SMIM33: variants seen among roughly 807,000 people sequenced by gnomAD.
SMIM33 encodes small integral membrane protein 33.
chr5:139,472,469 T>G, intron 1 of SMIM33, 63 bp from the exon 2 acceptor site: 1 of 396,560 alleles, frequency 2.5e-6, no homozygotes, highest in Non-Finnish European at 4.5e-6. Context: ...TCTCTTTCTA[T>G]TTTGGTCTTT....
At position 139,472,064 on chromosome 5, in the gene SMIM33, G is replaced by A. The variant is rs374907487; in HGVS notation, c.10-468G>A. Among the ~76,000 whole-genome samples the A allele has an allele frequency of 7.9e-5, 12 of 152,268 alleles. No individual in the cohort carries two copies. In the East Asian group the frequency reaches 2.1e-3, roughly 27 times the overall value. On this transcript the variant is annotated intron_variant, in intron 1 of 1. Coordinates refer to ENST00000637503, the MANE Select transcript of SMIM33 (RefSeq NM_001365197.1). ...GACCCAGGGCACAGGATCTATTTAG[G>A]AATTTTGCTGGAGACCTGGGAAAAG...
At chr5:139,471,511 G>C (rs1200567392) in intron 1 of SMIM33, among the ~76,000 whole-genome samples, 2 of 152,122 alleles carry the variant, frequency 1.3e-5, no homozygotes, top group Admixed American at 1.3e-4. Context: ...GGAAGCTAGG[G>C]AGGCAAAGTT....
At position 139,472,598 on chromosome 5, in the gene SMIM33, C is replaced by G; in HGVS notation, c.76C>G (p.Leu26Val). Residue 26 changes from leucine to valine, a missense_variant, in exon 2 of 2, where the codon CTT becomes GTT. Physicochemically the swap from Leu to Val is conservative, Grantham distance 32 (BLOSUM62 1). Coordinates refer to ENST00000637503, the MANE Select transcript of SMIM33 (RefSeq NM_001365197.1). Reference protein sequence around the residue: ...SSSEQEPQRQLPEVLSGTWEQ... With the variant: ...SSSEQEPQRQVPEVLSGTWEQ... ...ATCAGAGCAGGAGCCCCAGAGGCAG[C>G]TTCCGGAGGTGCTAAGTGGCACCTG... 2 of 400,882 alleles carry G rather than the reference C, an allele frequency of 5.0e-6. No homozygotes were observed. The highest frequency in any genetic ancestry group is 7.1e-5 in the East Asian group (2 of 28,082). 24.8% of individuals were successfully genotyped at this position (400,882 alleles called of 1,614,324 possible). A position where few individuals can be genotyped will look rare whatever the true frequency, so the allele number is the denominator to read the frequency against.
In SMIM33 at chr5:139,471,880, C is replaced by T. The variant is rs147509936; in HGVS notation, c.10-652C>T. 5.9e-4 allele frequency among the ~76,000 whole-genome samples: 90 copies of T among 152,288 alleles called. 1 individual carries two copies. In the East Asian group the frequency reaches 0.014, roughly 24 times the overall value. ...CTACCTCTACCTCTACCTCTCCCGC[C>T]GCCAGGGCACCACCTGTCTGTCTTC... On this transcript the variant is annotated intron_variant, in intron 1 of 1. Coordinates refer to ENST00000637503, the MANE Select transcript of SMIM33 (RefSeq NM_001365197.1).
At chr5:139,472,411 G>A in intron 1 of SMIM33, 121 bp from the exon 2 acceptor site, 1 of 397,818 alleles carries the variant, frequency 2.5e-6, no homozygotes, top group Non-Finnish European at 4.4e-6. Flanking sequence ...CTTTGTCTCT[G>A]GTCCCTCCCG....
At chr5:139,471,641 C>G (rs1054214602) in intron 1 of SMIM33, among the ~76,000 whole-genome samples, 1 of 152,102 alleles carries the variant, frequency 6.6e-6, no homozygotes, top group East Asian at 1.9e-4. Context: ...GGGTACGGAT[C>G]GTGACCCCCA....
intron 1 of SMIM33, among the ~76,000 whole-genome samples, chr5:139,472,152 C>G (rs1348742773): frequency 2.0e-5 from 3 of 152,230 alleles, no homozygotes; most frequent in African/African-American, 7.2e-5. Flanking sequence ...GAAGCCAGCA[C>G]TCTCTTTGAC....
At chr5:139,471,694 G>A (rs1174194525) in intron 1 of SMIM33, among the ~76,000 whole-genome samples, 2 of 152,084 alleles carry the variant, frequency 1.3e-5, no homozygotes, top group African/African-American at 4.8e-5. Flanking sequence ...GAGGAAGACT[G>A]GCACAGGGTC....
rs186941513 is a variant in SMIM33, at chr5:139,471,389, C to T, written c.9+259C>T. 3.8e-3 allele frequency among the ~76,000 whole-genome samples: 572 copies of T among 152,136 alleles called. 3 individuals are homozygous for T. The highest frequency in any genetic ancestry group is 0.01 in the Middle Eastern group (3 of 294). ...GAGGGGCTAAAGGACATGGGTTTGTCCTGGGAAGCCTTTCCTGGCCTACCC... is the reference window on the plus strand; with the variant it reads ...GAGGGGCTAAAGGACATGGGTTTGTTCTGGGAAGCCTTTCCTGGCCTACCC... On this transcript the variant is annotated intron_variant, in intron 1 of 1. Transcript: ENST00000637503.
chr5:139,471,864 C>T (rs981605326), intron 1 of SMIM33, among the ~76,000 whole-genome samples: 2 of 152,164 alleles, frequency 1.3e-5, no homozygotes, highest in Non-Finnish European at 1.5e-5. Context: ...TCTACCTCTA[C>T]CTCTACCTCT....
Position 139,473,076 on chromosome 5 carries a change from C to G in SMIM33, c.*155C>G. 5.0e-6 allele frequency: 2 copies of G among 396,320 alleles called. No individual in the cohort carries two copies. The highest frequency in any genetic ancestry group is 2.1e-5 in the African/African-American group (1 of 48,702). The allele number at this position is 396,320 out of a possible 1,614,324, so 24.6% of individuals were successfully genotyped here. ...TCTCTCAGAACATTTATAGAGAGAG[C>G]CCTGTGGTGGGCAAGAGAAATCAAA... On this transcript the variant is annotated 3_prime_UTR_variant, in exon 2 of 2. Transcript: ENST00000637503.
chr5:139,472,835 G>A lies in SMIM33; in HGVS notation c.313G>A (p.Glu105Lys), dbSNP rs1751557811. ...GCTGGGCCCCCAAGACAGTCCTGAAGAAGCACCACCGGGCCCTCTTGTCCC... is the reference window on the plus strand; with the variant it reads ...GCTGGGCCCCCAAGACAGTCCTGAAAAAGCACCACCGGGCCCTCTTGTCCC... ...RVLGPQDSPE[E>K]APPGPLVPGS... Residue 105 changes from glutamate to lysine, a missense_variant, in exon 2 of 2, where the codon GAA becomes AAA. Glu to Lys is a moderately conservative substitution (Grantham distance 56). Transcript: ENST00000637503. 2.5e-6 allele frequency: 1 copy of A among 400,914 alleles called. No individual in the cohort carries two copies. The highest frequency in any genetic ancestry group is 3.6e-5 in the East Asian group (1 of 28,080). 24.8% of individuals were successfully genotyped at this position (400,914 alleles called of 1,614,324 possible).
At position 139,471,113 on chromosome 5, in the gene SMIM33, G is replaced by T; in HGVS notation, c.-9G>T. ...CCAGTCCCAAGGGAGCCCTGTGTCGGCCCGGACAATGCACCAGGTAGACTC... is the reference window on the plus strand; with the variant it reads ...CCAGTCCCAAGGGAGCCCTGTGTCGTCCCGGACAATGCACCAGGTAGACTC... On this transcript the variant is annotated 5_prime_UTR_variant, in exon 1 of 2. Coordinates refer to ENST00000637503, the MANE Select transcript of SMIM33 (RefSeq NM_001365197.1). 1 of 398,726 alleles carries T rather than the reference G, an allele frequency of 2.5e-6. No homozygotes were observed. Among genetic ancestry groups the T allele is most frequent in the Non-Finnish European group, 4.4e-6 (1 of 226,150 alleles). The allele number at this position is 398,726 out of a possible 1,614,324, so 24.7% of individuals were successfully genotyped here.
Position 139,471,116 on chromosome 5 carries a change from C to G in SMIM33, c.-6C>G, listed in dbSNP as rs561704587. ...GTCCCAAGGGAGCCCTGTGTCGGCC[C>G]GGACAATGCACCAGGTAGACTCTGC... On this transcript the variant is annotated 5_prime_UTR_variant, in exon 1 of 2. Transcript: ENST00000637503. 2.5e-6 allele frequency: 1 copy of G among 398,726 alleles called. No homozygotes were observed. The highest frequency in any genetic ancestry group is 4.4e-6 in the Non-Finnish European group (1 of 226,150). The allele number at this position is 398,726 out of a possible 1,614,324, so 24.7% of individuals were successfully genotyped here. A position where few individuals can be genotyped will look rare whatever the true frequency, so the allele number is the denominator to read the frequency against.
Position 139,472,624 on chromosome 5 carries a change from G to C in SMIM33, c.102G>C (p.Trp34Cys). 1 of 400,844 alleles carries C rather than the reference G, an allele frequency of 2.5e-6. No individual in the cohort carries two copies. The allele number at this position is 400,844 out of a possible 1,614,324, so 24.8% of individuals were successfully genotyped here. The stretch of plus-strand genomic sequence containing the variant: ...TTCCGGAGGTGCTAAGTGGCACCTG[G>C]GAACAACCTCGAGTTGACGGGCTGC... ...RQLPEVLSGTWEQPRVDGLPV... is the reference protein window; with the variant it reads ...RQLPEVLSGTCEQPRVDGLPV... Residue 34 changes from tryptophan to cysteine, a missense_variant, in exon 2 of 2, where the codon TGG becomes TGC. By Grantham distance (215) the Trp-to-Cys change is radical (BLOSUM62 -2). Transcript: ENST00000637503.
intron 1 of SMIM33, among the ~76,000 whole-genome samples, 178 bp from the exon 2 acceptor site, chr5:139,472,354 T>C (rs1012149025): frequency 6.6e-6 from 1 of 152,264 alleles, no homozygotes; most frequent in South Asian, 2.1e-4. Flanking sequence ...TACCTCTGTA[T>C]TCTCTGCCTC....
intron 1 of SMIM33, among the ~76,000 whole-genome samples, 174 bp downstream of exon 1, chr5:139,471,304 G>T (rs1237185268): frequency 6.6e-6 from 1 of 152,200 alleles, no homozygotes; most frequent in Non-Finnish European, 1.5e-5. Context: ...GTAGGGTGGG[G>T]GGTGTGCCTT....
chr5:139,471,152 C>A, intron 1 of SMIM33, 22 bp downstream of exon 1: 1 of 398,842 alleles, frequency 2.5e-6, no homozygotes, highest in Non-Finnish European at 4.4e-6. Context: ...TCACCCCTTC[C>A]TGCCAGGCTG....
In SMIM33 at chr5:139,473,262, T is replaced by C. The variant is rs773938445; in HGVS notation, c.*341T>C. 17 of 185,890 alleles carry C rather than the reference T, an allele frequency of 9.1e-5. No homozygotes were observed. Among genetic ancestry groups the C allele is most frequent in the South Asian group, 2.0e-4 (1 of 5,102 alleles). 11.5% of individuals were successfully genotyped at this position (185,890 alleles called of 1,614,324 possible). A position where few individuals can be genotyped will look rare whatever the true frequency, so the allele number is the denominator to read the frequency against. Reference sequence around the variant, plus strand: ...CACGCTTAATCTCCTTCCTTTGTAATGTGAATCCAACTCCCCACAAGCAGG... The same window carrying C: ...CACGCTTAATCTCCTTCCTTTGTAACGTGAATCCAACTCCCCACAAGCAGG... On this transcript the variant is annotated 3_prime_UTR_variant, in exon 2 of 2. Coordinates refer to ENST00000637503, the MANE Select transcript of SMIM33 (RefSeq NM_001365197.1).
Sources: gnomAD v4.1 joint callset for allele counts (sites outside exome capture counted in the v4.1 genomes callset) on GRCh38, gnomAD v4.1.1 for gene constraint, MANE v1.5 for transcripts, NCBI Gene and HGNC (gene_info 2026-07-23, HGNC 2026-07-21) for gene names.